Variants in MAPRE2 observed in about 807,000 individuals in gnomAD.
MAPRE2 encodes the protein microtubule associated protein RP/EB family member 2.
A neutral mutation model predicts 43.2 loss-of-function variants in MAPRE2; 13 were observed. The observed-to-expected ratio is 0.30, with a 90% CI of 0.20 to 0.48. The LOEUF (loss-of-function observed/expected upper bound fraction) is 0.48, where lower values mean the gene tolerates loss of function less well. MAPRE2 is among the 20% of genes least tolerant of loss of function. The pLI, the probability that MAPRE2 is intolerant of heterozygous loss-of-function variation, is 0.99. For missense variants in MAPRE2, 161 were observed against 400.2 expected (o/e 0.40, Z 5.10); for synonymous variants, 135 against 148.8 (o/e 0.91, Z 0.68).
rs200864073 is a variant in MAPRE2 at position 35,117,523 on chromosome 18, GC to G, written c.611-9424del. On this transcript the variant is annotated intron_variant, in intron 4 of 6. Coordinates refer to ENST00000300249, the MANE Select transcript of MAPRE2 (RefSeq NM_014268.4). ...TAAGCTTTTTGGTTAAATGACTGCT[GC>G]GTACCAGGAGTGCAGTAGCACCCTT... Among the ~76,000 whole-genome samples the G allele has an allele frequency of 7.2e-3, 1,094 of 152,308 alleles. 11 individuals are homozygous for G. The highest frequency in any genetic ancestry group is 0.011 in the Non-Finnish European group (753 of 68,026).
At chr18:35,123,466 G>A (rs752451066) in intron 4 of MAPRE2, among the ~76,000 whole-genome samples, 6 of 152,154 alleles carry the variant, frequency 3.9e-5, no homozygotes, top group Non-Finnish European at 7.4e-5. Flanking sequence ...CCTCTGCAAG[G>A]CTGTGTCCCT....
chr18:35,122,528 T>G (rs1174756909), intron 4 of MAPRE2, among the ~76,000 whole-genome samples: 1 of 152,256 alleles, frequency 6.6e-6, no homozygotes, highest in Non-Finnish European at 1.5e-5. Context: ...CCCTCTCATT[T>G]TAAATATCAA....
chr18:35,061,985 C>T (rs560980197), intron 1 of MAPRE2, among the ~76,000 whole-genome samples: 3 of 152,138 alleles, frequency 2.0e-5, no homozygotes, highest in Non-Finnish European at 4.4e-5. Context: ...AGATGAAAAG[C>T]GGGATATTTC....
chr18:35,035,274 A>G (rs1265572547), intron 2 of MAPRE2, among the ~76,000 whole-genome samples: 2 of 150,752 alleles, frequency 1.3e-5, no homozygotes, highest in Non-Finnish European at 2.9e-5. Flanking sequence ...AAAAAACCAA[A>G]CACCGCATGT....
At chr18:34,977,455 A>AG (rs2097013810) in intron 1 of MAPRE2, among the ~76,000 whole-genome samples, 1 of 152,138 alleles carries the variant, frequency 6.6e-6, no homozygotes. Context: ...TTGGTGAAGG[A>AG]GGGGGGCTCG....
At chr18:35,060,697 G>A (rs931538978) in intron 1 of MAPRE2, among the ~76,000 whole-genome samples, 20 of 152,110 alleles carry the variant, frequency 1.3e-4, no homozygotes, top group African/African-American at 4.8e-4. Flanking sequence ...AAATCCACCC[G>A]TATATGCTGT....
intron 5 of MAPRE2, among the ~76,000 whole-genome samples, chr18:35,131,628 A>G (rs1262440680): frequency 1.3e-5 from 2 of 152,102 alleles, no homozygotes; most frequent in Non-Finnish European, 2.9e-5. Flanking sequence ...TCCTAACACC[A>G]TCACCTTGGG....
At chr18:35,021,451 C>T (rs1376918987) in intron 2 of MAPRE2, among the ~76,000 whole-genome samples, 2 of 151,544 alleles carry the variant, frequency 1.3e-5, no homozygotes, top group South Asian at 2.1e-4. Context: ...TAAATAAGAG[C>T]AAAAATTGAA....
rs34355385 is a variant in MAPRE2, at chr18:35,125,084, A to C, written c.611-1864A>C. Among the ~76,000 whole-genome samples the C allele has an allele frequency of 2.1e-3, 314 of 152,076 alleles. 1 individual carries two copies. The highest frequency in any genetic ancestry group is 0.01 in the Middle Eastern group (3 of 294). ...ATTCTCATTTTAAAGTATATTAGGC[A>C]CCTCCCTGTGTTTTTAAAGAAGTTT... On this transcript the variant is annotated intron_variant, in intron 4 of 6. Transcript: ENST00000300249.
chr18:34,995,803 C>T (rs894402591), intron 1 of MAPRE2, among the ~76,000 whole-genome samples: 3 of 152,086 alleles, frequency 2.0e-5, no homozygotes, highest in Non-Finnish European at 2.9e-5. Context: ...CTTTACCAAG[C>T]GCATGTTAAT....
intron 2 of MAPRE2, among the ~76,000 whole-genome samples, chr18:35,076,940 C>A (rs546938643): frequency 6.6e-6 from 1 of 152,208 alleles, no homozygotes; most frequent in Admixed American, 6.5e-5. Context: ...ACAGATATAT[C>A]CCTACATCCT....
chr18:35,056,443 TA>T (rs1218457112), intron 1 of MAPRE2, among the ~76,000 whole-genome samples: 6 of 152,226 alleles, frequency 3.9e-5, no homozygotes, highest in Non-Finnish European at 8.8e-5. Context: ...AAAGAAAACT[TA>T]TAATTCTTAC....
At chr18:35,114,604 G>A (rs973396131) in intron 4 of MAPRE2, among the ~76,000 whole-genome samples, 14 of 152,098 alleles carry the variant, frequency 9.2e-5, no homozygotes, top group African/African-American at 3.4e-4. Flanking sequence ...TTAGCTCTCC[G>A]TGTGAATGGT....
intron 2 of MAPRE2, among the ~76,000 whole-genome samples, chr18:35,093,540 A>T (rs1258708542): frequency 6.6e-6 from 1 of 152,212 alleles, no homozygotes; most frequent in Non-Finnish European, 1.5e-5. Flanking sequence ...TGATTAATAG[A>T]TGTTTAAAAA....
intron 1 of MAPRE2, among the ~76,000 whole-genome samples, chr18:34,993,883 A>T (rs995978687): frequency 1.3e-5 from 2 of 152,106 alleles, no homozygotes; most frequent in African/African-American, 4.8e-5. Context: ...TTCATTATTT[A>T]TGTCGAATAA....
intron 2 of MAPRE2, among the ~76,000 whole-genome samples, chr18:35,010,539 C>T (rs1276019058): frequency 6.6e-6 from 1 of 152,192 alleles, no homozygotes. Context: ...TTTCTTTCCC[C>T]TTCCCTCCTA....
intron 6 of MAPRE2, among the ~76,000 whole-genome samples, chr18:35,132,494 A>G (rs1910203973): frequency 6.6e-6 from 1 of 152,250 alleles, no homozygotes; most frequent in Non-Finnish European, 1.5e-5. Context: ...GCAAATGAGC[A>G]TTAAGAATTT....
chr18:35,105,458 G>A (rs1215481514), intron 4 of MAPRE2, among the ~76,000 whole-genome samples: 1 of 151,964 alleles, frequency 6.6e-6, no homozygotes, highest in Non-Finnish European at 1.5e-5. Flanking sequence ...ATTATTAAAA[G>A]CCATGATAGG....
rs571413597 is a variant in MAPRE2 at position 35,091,691 on chromosome 18, A to G, written c.251-5755A>G. Among the ~76,000 whole-genome samples the G allele has an allele frequency of 3.1e-4, 47 of 152,216 alleles. 1 individual carries two copies. Among genetic ancestry groups the G allele is most frequent in the Middle Eastern group, 3.4e-3 (1 of 294 alleles). On this transcript the variant is annotated intron_variant, in intron 2 of 6. Transcript: ENST00000300249. The stretch of plus-strand genomic sequence containing the variant: ...TTGACTCCACTTTGCCTCCTTGGCA[A>G]TGAGTGGGCTATCCCACTCTCCCAC...
Sources: gnomAD v4.1 joint callset for allele counts (sites outside exome capture counted in the v4.1 genomes callset) on GRCh38, gnomAD v4.1.1 for gene constraint, MANE v1.5 for transcripts, NCBI Gene and HGNC (gene_info 2026-07-23, HGNC 2026-07-21) for gene names.